The following KPNA6 variants were observed in gnomAD, a reference collection of about 807,000 sequenced individuals.
KPNA6 encodes the protein karyopherin subunit alpha 6.
A neutral mutation model predicts 72.0 loss-of-function variants in KPNA6; 9 were observed. The observed-to-expected ratio is 0.13, with a 90% confidence interval of 0.08 to 0.22. KPNA6 has a LOEUF of 0.22. Among genes scored for constraint, KPNA6 ranks in the 10% least tolerant of loss-of-function variants. KPNA6 has a pLI of 1.00. For synonymous variants in KPNA6, 219 were observed against 242.1 expected, an observed-to-expected ratio of 0.90 and a Z score of 0.89; for missense variants, 374 against 655.7, an observed-to-expected ratio of 0.57 and a Z score of 4.69.
intron 1 of KPNA6, among the ~76,000 whole-genome samples, chr1:32,142,363 C>CTCTCTTGTTTTA (rs1167577228): frequency 6.6e-6 from 1 of 151,860 alleles, no homozygotes; most frequent in East Asian, 1.9e-4. Context: ...GCTGTTCTCC[C>CTCTCTTGTTTTA]TCTCTTGTTT....
At chr1:32,150,979 C>T (rs754035802) in intron 1 of KPNA6, among the ~76,000 whole-genome samples, 22 of 151,982 alleles carry the variant, frequency 1.4e-4, no homozygotes, top group African/African-American at 2.7e-4. Context: ...TGGAGTACAG[C>T]GGTGCAGTCA....
chr1:32,124,006 C>T (rs1423436444), intron 1 of KPNA6, among the ~76,000 whole-genome samples: 9 of 141,896 alleles, frequency 6.3e-5, no homozygotes, highest in Admixed American at 7.1e-5. Context: ...TGCACTCCTG[C>T]CTGGCGACAG....
chr1:32,169,013 A>G (rs1399139478), intron 12 of KPNA6, among the ~76,000 whole-genome samples: 3 of 152,308 alleles, frequency 2.0e-5, no homozygotes, highest in Non-Finnish European at 4.4e-5. Context: ...GACCAACCAC[A>G]TGTGAAATGA....
At position 32,158,126 on chromosome 1, in the gene KPNA6, T is replaced by C. The variant is rs1642176083; in HGVS notation, c.332-141T>C. On this transcript the variant is annotated intron_variant, in intron 4 of 13. Transcript: ENST00000373625. ...CAGTTCAAAGACGAGTAGATATTGT[T>C]AAAACCACCTTACCAGAAGGGAGTT... 3 of 625,108 alleles carry C rather than the reference T, an allele frequency of 4.8e-6. No individual in the cohort carries two copies. In the East Asian group the frequency reaches 7.9e-5, roughly 16 times the overall value. The allele number at this position is 625,108 out of a possible 1,614,324, so 38.7% of individuals were successfully genotyped here. A position where few individuals can be genotyped will look rare whatever the true frequency, so the allele number is the denominator to read the frequency against.
chr1:32,155,421 A>G (rs966093063), intron 2 of KPNA6, among the ~76,000 whole-genome samples: 3 of 148,616 alleles, frequency 2.0e-5, no homozygotes, highest in African/African-American at 7.4e-5. Context: ...TCCTGGGTTC[A>G]AGCAATTCTC....
At chr1:32,115,703 G>C (rs932662633) in intron 1 of KPNA6, among the ~76,000 whole-genome samples, 1 of 152,176 alleles carries the variant, frequency 6.6e-6, no homozygotes. Context: ...GGGATTACAA[G>C]CATGAGTCAC....
chr1:32,145,524 C>A (rs1316801023), intron 1 of KPNA6, among the ~76,000 whole-genome samples: 3 of 150,688 alleles, frequency 2.0e-5, no homozygotes, highest in Admixed American at 6.6e-5. Context: ...GGGGTTTCAT[C>A]ATGTTGGCCA....
rs1402743699 is a variant in KPNA6, at chr1:32,173,007, T to G, written c.*2113T>G. The stretch of plus-strand genomic sequence containing the variant: ...AGGAGGATGGTTTAGGTCTGGCAAT[T>G]GTCCTTGAAAAATCCCACCCATGTT... On this transcript the variant is annotated 3_prime_UTR_variant, in exon 14 of 14. Coordinates refer to ENST00000373625, the MANE Select transcript of KPNA6 (RefSeq NM_012316.5). The G allele has an allele frequency of 2.5e-5, 10 of 398,164 alleles. No individual in the cohort carries two copies. The highest frequency in any genetic ancestry group is 4.4e-5 in the Admixed American group (1 of 22,676). The allele number at this position is 398,164 out of a possible 1,614,324, so 24.7% of individuals were successfully genotyped here.
intron 9 of KPNA6, among the ~76,000 whole-genome samples, 182 bp downstream of exon 9, chr1:32,162,706 G>A (rs1261463123): frequency 1.3e-5 from 2 of 152,086 alleles, no homozygotes; most frequent in Non-Finnish European, 2.9e-5. Flanking sequence ...GCAGTGGCAG[G>A]CGCCTGTAAT....
intron 1 of KPNA6, among the ~76,000 whole-genome samples, chr1:32,138,712 G>A (rs1277246275): frequency 6.6e-6 from 1 of 152,090 alleles, no homozygotes; most frequent in Non-Finnish European, 1.5e-5. Flanking sequence ...AAGAGTGGTT[G>A]GAAGGCTAAG....
At chr1:32,170,236 A>ACAGG (rs1174190940) in intron 13 of KPNA6, among the ~76,000 whole-genome samples, 176 bp downstream of exon 13, 1 of 152,180 alleles carries the variant, frequency 6.6e-6, no homozygotes, top group African/African-American at 2.4e-5. Flanking sequence ...TTCACCATCC[A>ACAGG]CAGGGTTTCA....
At chr1:32,164,226 G>T (rs1283852491) in intron 10 of KPNA6, among the ~76,000 whole-genome samples, 1 of 152,192 alleles carries the variant, frequency 6.6e-6, no homozygotes, top group Admixed American at 6.5e-5. Context: ...GTTGTAGCAT[G>T]CATCAGAACT....
At chr1:32,117,357 A>G (rs1208976676) in intron 1 of KPNA6, among the ~76,000 whole-genome samples, 1 of 150,142 alleles carries the variant, frequency 6.7e-6, no homozygotes, top group African/African-American at 2.4e-5. Context: ...TATTTTTAGT[A>G]GAGATGGGGT....
intron 1 of KPNA6, among the ~76,000 whole-genome samples, chr1:32,140,159 C>G (rs1466927743): frequency 6.6e-6 from 1 of 151,976 alleles, no homozygotes; most frequent in African/African-American, 2.4e-5. Flanking sequence ...CCGAGGCAGG[C>G]GGATCACAAG....
chr1:32,119,007 TA>T (rs1557456998), intron 1 of KPNA6, among the ~76,000 whole-genome samples: 971 of 64,456 alleles, frequency 0.015, 29 homozygotes, highest in Middle Eastern at 0.033. Flanking sequence ...CATATATATA[TA>T]TATATATATA....
chr1:32,119,830 C>T (rs1465044268), intron 1 of KPNA6, among the ~76,000 whole-genome samples: 1 of 151,518 alleles, frequency 6.6e-6, no homozygotes, highest in South Asian at 2.1e-4. Context: ...CTATAACCTC[C>T]GCCTCCCGGG....
chr1:32,157,373 G>A lies in KPNA6; in HGVS notation c.259G>A (p.Glu87Lys). 2 of 1,613,992 alleles carry A rather than the reference G, an allele frequency of 1.2e-6. No individual in the cohort carries two copies. The highest frequency in any genetic ancestry group is 1.7e-6 in the Non-Finnish European group (2 of 1,179,896). The change falls in exon 4 of 14, where the codon GAG becomes AAG. Residue 87 changes from glutamate to lysine, a missense_variant. Glu to Lys is a moderately conservative substitution (Grantham distance 56, BLOSUM62 1). This residue lies in a region of KPNA6 where 298 missense variants were observed against 495.4 expected (regional missense o/e 0.60). Transcript: ENST00000373625. ...GAGTGTGATCACAAGAGAGATGGTG[G>A]AGATGCTCTTTTCTGATGATTCTGA... ...GESVITREMV[E>K]MLFSDDSDLQ...
At chr1:32,131,646 A>G (rs1338068206) in intron 1 of KPNA6, among the ~76,000 whole-genome samples, 4 of 151,234 alleles carry the variant, frequency 2.6e-5, no homozygotes, top group East Asian at 1.9e-4. Flanking sequence ...ATGTATGTGT[A>G]TATATATATA....
chr1:32,161,569 A>G (rs1642239059), intron 7 of KPNA6, among the ~76,000 whole-genome samples: 1 of 152,224 alleles, frequency 6.6e-6, no homozygotes, highest in Non-Finnish European at 1.5e-5. Context: ...AAGCTCTCAC[A>G]GTAGACCTAT....
Sources: allele counts gnomAD v4.1 joint callset (sites outside exome capture counted in the v4.1 genomes callset), GRCh38; gene constraint gnomAD v4.1.1; regional missense constraint gnomAD v4.1.1; transcripts MANE v1.5; gene names NCBI Gene and HGNC (gene_info 2026-07-23, HGNC 2026-07-21).